SMARCA2: variants seen among roughly 807,000 people sequenced by gnomAD.
The protein encoded by SMARCA2 is SWI/SNF related BAF chromatin remodeling complex subunit ATPase 2.
SMARCA2 carries 61 observed loss-of-function variants against 199.8 expected under a neutral mutation model. That is an observed-to-expected ratio of 0.31 (90% CI 0.25 to 0.38). The LOEUF (loss-of-function observed/expected upper bound fraction) is 0.38, where lower values mean the gene tolerates loss of function less well. SMARCA2 is among the 10% of genes least tolerant of loss of function. The pLI is 1.00. For synonymous variants in SMARCA2, 935 were observed against 732.0 expected, an observed-to-expected ratio of 1.28 and a Z score of -4.48; for missense variants, 1,344 against 2,012.2, an observed-to-expected ratio of 0.67 and a Z score of 6.35.
intron 2 of SMARCA2, among the ~76,000 whole-genome samples, chr9:2,030,682 C>T (rs1397112361): frequency 6.6e-6 from 1 of 151,882 alleles, no homozygotes; most frequent in African/African-American, 2.4e-5. Context: ...CAGACATACC[C>T]AGAAATAATG....
chr9:2,093,684 T>C (rs1423798238), intron 19 of SMARCA2, among the ~76,000 whole-genome samples: 2 of 152,192 alleles, frequency 1.3e-5, no homozygotes, highest in Admixed American at 6.5e-5. Context: ...TAGGCATAGA[T>C]GAACAATGGG....
At chr9:2,034,266 A>C (rs77989347) in intron 3 of SMARCA2, among the ~76,000 whole-genome samples, 2 of 148,978 alleles carry the variant, frequency 1.3e-5, no homozygotes, top group East Asian at 2.0e-4. Context: ...AAAAAAAAAA[A>C]CTATTTCAAA....
At chr9:2,145,038 G>T (rs1000790644) in intron 27 of SMARCA2, among the ~76,000 whole-genome samples, 1 of 152,192 alleles carries the variant, frequency 6.6e-6, no homozygotes, top group African/African-American at 2.4e-5. Context: ...GGTGGCTCAT[G>T]CCTGTAATCC....
chr9:2,171,356 T>C (rs2129737107), intron 29 of SMARCA2, among the ~76,000 whole-genome samples: 1 of 152,308 alleles, frequency 6.6e-6, no homozygotes, highest in South Asian at 2.1e-4. Flanking sequence ...AATCTAGGAC[T>C]GGAGAGAGAG....
Position 2,170,281 on chromosome 9 carries a change from C to T in SMARCA2, c.4200-138C>T. On this transcript the variant is annotated intron_variant, in intron 28 of 33. Transcript: ENST00000349721. This position sits in a 1 kb window ranked among gnomAD's most constrained non-coding sequence, Gnocchi z 4.7. The stretch of plus-strand genomic sequence containing the variant: ...TTTCCGAATGAGGTTCCAAACATAA[C>T]CCCGTGTAATCTTCCTAACAAGGCA... The T allele has an allele frequency of 2.0e-6, 2 of 1,011,282 alleles. No individual in the cohort carries two copies. The highest frequency in any genetic ancestry group is 2.9e-6 in the Non-Finnish European group (2 of 692,584). 62.6% of individuals were successfully genotyped at this position (1,011,282 alleles called of 1,614,324 possible). A position where few individuals can be genotyped will look rare whatever the true frequency, so the allele number is the denominator to read the frequency against.
chr9:2,127,679 A>G (rs1823756709), intron 27 of SMARCA2, among the ~76,000 whole-genome samples: 1 of 152,218 alleles, frequency 6.6e-6, no homozygotes, highest in Non-Finnish European at 1.5e-5. Context: ...GCTGCAAAGG[A>G]GATGGAAATG....
rs1259906614 is a variant in SMARCA2 at position 2,169,042 on chromosome 9, G to A, written c.4200-1377G>A. On this transcript the variant is annotated intron_variant, in intron 28 of 33. Transcript: ENST00000349721. The surrounding 1 kb of genome is among the most constrained non-coding windows in gnomAD (Gnocchi z 6.5). Reference sequence around the variant, plus strand: ...TTAAGCTTCTGTGTCTCCTTGGTCAGCACCATCATTAGCCCAAGGTCCTAA... The same window carrying A: ...TTAAGCTTCTGTGTCTCCTTGGTCAACACCATCATTAGCCCAAGGTCCTAA... Among the ~76,000 whole-genome samples the A allele has an allele frequency of 6.6e-6, 1 of 152,170 alleles. No homozygotes were observed. Among genetic ancestry groups the A allele is most frequent in the Non-Finnish European group, 1.5e-5 (1 of 68,028 alleles).
chr9:2,038,583 G>A (rs1172334159), intron 3 of SMARCA2, among the ~76,000 whole-genome samples: 1 of 152,164 alleles, frequency 6.6e-6, no homozygotes, highest in African/African-American at 2.4e-5. Flanking sequence ...ATAATTTGGA[G>A]GCAAGTTATT....
intron 4 of SMARCA2, among the ~76,000 whole-genome samples, chr9:2,046,506 A>G (rs1265862979): frequency 2.0e-5 from 3 of 152,240 alleles, no homozygotes; most frequent in Non-Finnish European, 2.9e-5. Flanking sequence ...GTAGTAAGAA[A>G]AAATTTAAGT....
In SMARCA2 at chr9:2,047,446, C is replaced by A; in HGVS notation, c.1008C>A (p.Gly336=). The A allele has an allele frequency of 1.3e-6, 2 of 1,556,410 alleles. No homozygotes were observed. Among genetic ancestry groups the A allele is most frequent in the Non-Finnish European group, 1.7e-6 (2 of 1,155,716 alleles). The change falls in exon 5 of 34, where the codon GGC becomes GGA. Residue 336 remains glycine (G), a synonymous_variant. Coordinates refer to ENST00000349721, the MANE Select transcript of SMARCA2 (RefSeq NM_003070.5). ...SRISPIQKPQ[G]LDPVEILQER... ...TCAGCCCCATCCAGAAACCGCAAGG[C>A]CTGGACCCCGTGGAAATTCTGCAAG...
chr9:2,091,237 G>C (rs1350934562), intron 19 of SMARCA2, among the ~76,000 whole-genome samples: 2 of 152,128 alleles, frequency 1.3e-5, no homozygotes, highest in East Asian at 3.8e-4. Context: ...AAATTCCCTG[G>C]TATTTCCTGG....
chr9:2,023,637 G>T (rs575413858), intron 1 of SMARCA2, among the ~76,000 whole-genome samples: 1 of 152,252 alleles, frequency 6.6e-6, no homozygotes, highest in East Asian at 1.9e-4. Context: ...ATGTTTCACC[G>T]CTTATCCCGA....
intron 26 of SMARCA2, among the ~76,000 whole-genome samples, chr9:2,121,659 A>C (rs1052468073): frequency 1.3e-5 from 2 of 152,218 alleles, no homozygotes; most frequent in African/African-American, 4.8e-5. Context: ...TTATTATTTG[A>C]TTTTGTATCA....
chr9:2,064,907 G>T (rs1035410505), intron 9 of SMARCA2, among the ~76,000 whole-genome samples: 14 of 152,242 alleles, frequency 9.2e-5, no homozygotes, highest in Non-Finnish European at 1.8e-4. Context: ...GCCATCAGCT[G>T]GGTGCGGCGG....
At chr9:2,101,339 A>G (rs1327083050) in intron 21 of SMARCA2, among the ~76,000 whole-genome samples, 1 of 152,080 alleles carries the variant, frequency 6.6e-6, no homozygotes, top group African/African-American at 2.4e-5. Context: ...TAACCCTGTT[A>G]CCTGAGAGTC....
chr9:2,183,688 A>G (rs1827219325), intron 31 of SMARCA2, among the ~76,000 whole-genome samples: 1 of 152,198 alleles, frequency 6.6e-6, no homozygotes, highest in South Asian at 2.1e-4. Context: ...AACATTTCCA[A>G]GTTAATAGTA....
intron 25 of SMARCA2, among the ~76,000 whole-genome samples, chr9:2,116,466 G>A (rs7031775): frequency 0.017 from 2,641 of 152,254 alleles, 76 homozygotes; most frequent in African/African-American, 0.06. Flanking sequence ...TTTTGATCAG[G>A]GATCACAGAG....
intron 2 of SMARCA2, 52 bp downstream of exon 2, chr9:2,029,299 A>T: frequency 6.4e-7 from 1 of 1,560,424 alleles, no homozygotes; most frequent in Non-Finnish European, 8.7e-7. Flanking sequence ...TGGATGGCTA[A>T]TATTTCTGAT....
At chr9:2,186,477 C>A (rs553340705) in intron 32 of SMARCA2, among the ~76,000 whole-genome samples, 14 of 152,222 alleles carry the variant, frequency 9.2e-5, no homozygotes, top group African/African-American at 3.4e-4. Flanking sequence ...GGCTGGGCTC[C>A]TAGCAAACAC....
Sources: allele counts gnomAD v4.1 joint callset (sites outside exome capture counted in the v4.1 genomes callset), GRCh38; gene constraint gnomAD v4.1.1; non-coding constraint Gnocchi (gnomAD v3.1); transcripts MANE v1.5; gene names NCBI Gene and HGNC (gene_info 2026-07-23, HGNC 2026-07-21).